The following MROH9 variants were observed in gnomAD, a reference collection of about 807,000 sequenced individuals.
MROH9 encodes the protein maestro heat like repeat family member 9.
Under a neutral mutation model 98.2 loss-of-function variants are expected in MROH9, and 92 were observed. The observed-to-expected ratio is 0.94, with a 90% CI of 0.79 to 1.11. The LOEUF is 1.11. MROH9 is among the 50% of genes most tolerant of loss of function. MROH9 has a pLI of 0.00. For synonymous variants in MROH9, 397 were observed against 368.9 expected, an observed-to-expected ratio of 1.08 and a Z score of -0.87; for missense variants, 1,057 against 1,014.8, an observed-to-expected ratio of 1.04 and a Z score of -0.57.
intron 20 of MROH9, among the ~76,000 whole-genome samples, chr1:171,027,977 C>T (rs915812920): frequency 8.5e-5 from 13 of 152,134 alleles, no homozygotes; most frequent in African/African-American, 3.1e-4. Context: ...ATTTTTCTCC[C>T]ATTCTGTAGG....
intron 10 of MROH9, among the ~76,000 whole-genome samples, chr1:170,986,990 A>G (rs903183637): frequency 1.3e-5 from 2 of 152,164 alleles, no homozygotes; most frequent in East Asian, 3.9e-4. Flanking sequence ...AGCTGGGACT[A>G]CAGGCATGTA....
chr1:171,014,074 G>A, intron 15 of MROH9, 43 bp from the exon 16 acceptor site: 3 of 1,501,328 alleles, frequency 2.0e-6, no homozygotes, highest in African/African-American at 1.4e-5. Flanking sequence ...ATCGTGCAGT[G>A]GCCTCTACTT....
Position 170,945,440 on chromosome 1 carries a change from G to A in MROH9, c.-37-80G>A, listed in dbSNP as rs1378980279. 1.0e-5 allele frequency: 9 copies of A among 871,604 alleles called. No homozygotes were observed. The South Asian group carries it at 1.3e-4, about 12-fold the overall frequency. 54.0% of individuals were successfully genotyped at this position (871,604 alleles called of 1,614,324 possible). A position where few individuals can be genotyped will look rare whatever the true frequency, so the allele number is the denominator to read the frequency against. On this transcript the variant is annotated intron_variant, in intron 1 of 21. Coordinates refer to ENST00000367759, the MANE Select transcript of MROH9 (RefSeq NM_001163629.2). ...CACAATCCACATACTGTATATCATA[G>A]TACCATCCATATTGATAGAGCAAAA... is the stretch of plus-strand genomic sequence containing the variant.
intron 9 of MROH9, among the ~76,000 whole-genome samples, chr1:170,984,511 A>G (rs992500626): frequency 6.6e-6 from 1 of 152,168 alleles, no homozygotes; most frequent in Non-Finnish European, 1.5e-5. Flanking sequence ...GCATCTGTTT[A>G]AGTTTACTAG....
At chr1:171,064,068 A>C (rs954526899) in intron 21 of MROH9, 31 bp from the exon 22 acceptor site, 1 of 1,513,594 alleles carries the variant, frequency 6.6e-7, no homozygotes, top group African/African-American at 1.4e-5. Context: ...GAAAGAGATA[A>C]CTTGAACTAA....
At position 170,954,113 on chromosome 1, in the gene MROH9, T is replaced by A. The variant is rs934858348; in HGVS notation, c.73-4348T>A. ...TTCTGTAGAAGTCTTTATCTTTATT[T>A]TTGGTAAACTGGAATTTTATAAAAA... On this transcript the variant is annotated intron_variant, in intron 3 of 21. Transcript: ENST00000367759. Among the ~76,000 whole-genome samples the A allele has an allele frequency of 3.9e-5, 6 of 152,228 alleles. No homozygotes were observed. In the East Asian group the frequency reaches 1.2e-3, roughly 29 times the overall value.
At chr1:170,977,241 T>C (rs980096416) in intron 8 of MROH9, among the ~76,000 whole-genome samples, 2 of 152,226 alleles carry the variant, frequency 1.3e-5, no homozygotes, top group Non-Finnish European at 2.9e-5. Flanking sequence ...TTCTGTCATT[T>C]CAGTCAATCC....
At chr1:170,947,910 A>G (rs1571438578) in intron 3 of MROH9, among the ~76,000 whole-genome samples, 1 of 151,752 alleles carries the variant, frequency 6.6e-6, no homozygotes, top group Non-Finnish European at 1.5e-5. Context: ...TTCCATCATC[A>G]CTGTGGAAAC....
At chr1:171,021,864 T>C (rs752193311) in intron 17 of MROH9, among the ~76,000 whole-genome samples, 1 of 149,726 alleles carries the variant, frequency 6.7e-6, no homozygotes, top group Non-Finnish European at 1.5e-5. Context: ...CTGACAAAGA[T>C]CTAATATCCA....
intron 20 of MROH9, among the ~76,000 whole-genome samples, chr1:171,060,937 T>A (rs1653991904): frequency 6.6e-6 from 1 of 151,992 alleles, no homozygotes; most frequent in Non-Finnish European, 1.5e-5. Flanking sequence ...AATGGAAAAA[T>A]TTAGCCATGA....
intron 20 of MROH9, among the ~76,000 whole-genome samples, chr1:171,045,193 G>A (rs182379096): frequency 6.3e-4 from 95 of 151,000 alleles, no homozygotes; most frequent in African/African-American, 2.1e-3. Context: ...GTAGAGACGG[G>A]GTTTCATTGT....
At position 170,992,259 on chromosome 1, in the gene MROH9, G is replaced by T. The variant is rs769191592; in HGVS notation, c.1124G>T (p.Gly375Val). The T allele has an allele frequency of 1.9e-6, 3 of 1,613,556 alleles. No homozygotes were observed. The South Asian group carries it at 3.3e-5, about 18-fold the overall frequency. ...TILLILKGKP[G>V]EMEDTVTEGK... is the part of the protein sequence containing the mutation. ...TTATTGATACTGAAAGGAAAGCCTG[G>T]GGAAATGGAGGACACCGTAACGGAA... The change falls in exon 12 of 22, where the codon GGG becomes GTG. Residue 375 changes from glycine (G) to valine (V), a missense_variant. Physicochemically the swap from Gly to Val is moderately radical, Grantham distance 109. Coordinates refer to ENST00000367759, the MANE Select transcript of MROH9 (RefSeq NM_001163629.2).
At chr1:170,943,111 C>T (rs1400908423) in intron 1 of MROH9, among the ~76,000 whole-genome samples, 1 of 151,222 alleles carries the variant, frequency 6.6e-6, no homozygotes, top group African/African-American at 2.4e-5. Context: ...AAATTTTTTA[C>T]AAGAAAAAAG....
chr1:171,025,440 C>T lies in MROH9; in HGVS notation c.2281+20C>T, dbSNP rs765896268. ...TGATAGGTAAATATAATTCAGTTCT[C>T]AATTCCTAACTTGTCTTAAATGGTA... On this transcript the variant is annotated intron_variant, in intron 20 of 21. Transcript: ENST00000367759. 5.2e-5 allele frequency: 73 copies of T among 1,412,944 alleles called. No homozygotes were observed. Among genetic ancestry groups the T allele is most frequent in the Non-Finnish European group, 6.9e-5 (71 of 1,023,544 alleles). 87.5% of individuals were successfully genotyped at this position (1,412,944 alleles called of 1,614,324 possible).
At chr1:171,007,010 T>C (rs1476500355) in intron 15 of MROH9, among the ~76,000 whole-genome samples, 2 of 152,252 alleles carry the variant, frequency 1.3e-5, no homozygotes, top group Non-Finnish European at 2.9e-5. Flanking sequence ...TCTTCTTTGG[T>C]AATGTCATAT....
Position 171,041,841 on chromosome 1 carries a change from A to G in MROH9, c.2281+16421A>G, listed in dbSNP as rs182601223. 2.6e-5 allele frequency among the ~76,000 whole-genome samples: 4 copies of G among 151,826 alleles called. No homozygotes were observed. The East Asian group carries it at 7.8e-4, about 29-fold the overall frequency. On this transcript the variant is annotated intron_variant, in intron 20 of 21. Coordinates refer to ENST00000367759, the MANE Select transcript of MROH9 (RefSeq NM_001163629.2). ...GATTAGTGACATTCAACATTTTTTC[A>G]TTTTTTAATATTTTTATTTTTGTGG...
intron 21 of MROH9, among the ~76,000 whole-genome samples, chr1:171,063,600 C>T (rs1044979550): frequency 2.6e-5 from 4 of 152,084 alleles, no homozygotes; most frequent in Non-Finnish European, 5.9e-5. Flanking sequence ...TTTTTTTAAA[C>T]TATCATAACT....
intron 20 of MROH9, among the ~76,000 whole-genome samples, chr1:171,058,860 A>T (rs1346437656): frequency 1.3e-5 from 2 of 152,234 alleles, no homozygotes; most frequent in African/African-American, 2.4e-5. Flanking sequence ...TGGCTTAAAG[A>T]CTTAAATGTA....
At chr1:171,009,270 T>C (rs897921754) in intron 15 of MROH9, among the ~76,000 whole-genome samples, 1 of 152,028 alleles carries the variant, frequency 6.6e-6, no homozygotes, top group Non-Finnish European at 1.5e-5. Flanking sequence ...TTTAAACTGA[T>C]GCAAATGAAT....
Sources: allele counts gnomAD v4.1 joint callset (sites outside exome capture counted in the v4.1 genomes callset), GRCh38; gene constraint gnomAD v4.1.1; transcripts MANE v1.5; gene names NCBI Gene and HGNC (gene_info 2026-07-23, HGNC 2026-07-21).